IL9R: variants seen among roughly 807,000 people sequenced by gnomAD.
The protein encoded by IL9R is interleukin 9 receptor.
In IL9R, 54 loss-of-function variants were observed where a neutral mutation model predicts 56.3. That is an observed-to-expected ratio of 0.96 (90% CI 0.77 to 1.20). The LOEUF is 1.20. Among genes scored for constraint, IL9R ranks in the 50% most tolerant of loss-of-function variants. The probability of loss-of-function intolerance (pLI) is 0.00; values close to 1 mark genes in which losing one functional copy is unlikely to be tolerated. For synonymous variants in IL9R, 212 were observed against 250.2 expected (o/e 0.85, Z 1.44); for missense variants, 545 against 629.8 (o/e 0.87, Z 1.44).
chrX:156,008,949 G>GTGTGTGTGTGTTTA (rs1174821771), intron 8 of IL9R, among the ~76,000 whole-genome samples: 1 of 146,262 alleles, frequency 6.8e-6, no homozygotes, highest in African/African-American at 2.7e-5. Flanking sequence ...GTGTATGTCT[G>GTGTGTGTGTGTTTA]TGTGTGTGTG....
rs1432200111 is a variant in IL9R, at chrX:155,999,037, G to A, written c.28+1250G>A. Among the ~76,000 whole-genome samples, 5 of 152,094 alleles carry A rather than the reference G, an allele frequency of 3.3e-5. No individual in the cohort carries two copies. The South Asian group carries it at 6.2e-4, about 19-fold the overall frequency. Reference sequence around the variant, plus strand: ...CAACCCTTGGGCCCTGTCAGTTCAGGGCTGTGCAGAAGGAGAGTTGCCTGT... The same window carrying A: ...CAACCCTTGGGCCCTGTCAGTTCAGAGCTGTGCAGAAGGAGAGTTGCCTGT... On this transcript the variant is annotated intron_variant, in intron 1 of 8. Transcript: ENST00000244174.
At chrX:155,997,888 T>G in intron 1 of IL9R, 101 bp downstream of exon 1, 1 of 1,153,304 alleles carries the variant, frequency 8.7e-7, no homozygotes, top group Admixed American at 1.8e-5. Context: ...AGGGAGCCAC[T>G]GTGGCATTTG....
chrX:156,009,061 TTG>T (rs1382847096), intron 8 of IL9R, among the ~76,000 whole-genome samples: 4,306 of 116,394 alleles, frequency 0.037, 16 homozygotes, highest in South Asian at 0.075. Context: ...CTGTGTGTGT[TTG>T]TGTGTGTGTC....
At position 156,003,821 on chromosome X, in the gene IL9R, C is replaced by A. The variant is rs1472783768; in HGVS notation, c.399C>A (p.Ser133Arg). 1 of 1,613,822 alleles carries A rather than the reference C, an allele frequency of 6.2e-7. No homozygotes were observed. Among genetic ancestry groups the A allele is most frequent in the African/African-American group, 1.3e-5 (1 of 74,932 alleles). ...HHCMSGREQV[S>R]LVDPEYLPRR... ...GCATGTCTGGGAGGGAGCAGGTCAG[C>A]CTGGTGGACCCGGAGTACCTGCCCC... The change falls in exon 4 of 9, where the codon AGC (serine) becomes AGA (arginine). Residue 133 changes from serine to arginine, a missense_variant. Coordinates refer to ENST00000244174, the MANE Select transcript of IL9R (RefSeq NM_002186.3).
rs934696409 is a variant in IL9R, at chrX:156,009,670, G to A, written c.973-146G>A. ...GAAAGACAGAATGTCCAAGACACAG[G>A]CGCTGCTTGGCCTCTGGGTGTGGAC... is the stretch of plus-strand genomic sequence containing the variant. On this transcript the variant is annotated intron_variant, in intron 8 of 8. Transcript: ENST00000244174. The A allele has an allele frequency of 1.2e-5, 6 of 512,852 alleles. 1 individual carries two copies. The African/African-American group carries it at 1.3e-4, about 11-fold the overall frequency. 31.8% of individuals were successfully genotyped at this position (512,852 alleles called of 1,614,324 possible). A position where few individuals can be genotyped will look rare whatever the true frequency, so the allele number is the denominator to read the frequency against.
At chrX:156,005,948 C>T in intron 6 of IL9R, 135 bp from the exon 7 acceptor site, 2 of 645,752 alleles carry the variant, frequency 3.1e-6, no homozygotes, top group Non-Finnish European at 5.5e-6. Context: ...CAGCAGGTGA[C>T]ACAAACCTCC....
intron 1 of IL9R, among the ~76,000 whole-genome samples, chrX:155,998,888 C>T (rs758504286): frequency 7.9e-5 from 12 of 152,150 alleles, no homozygotes; most frequent in South Asian, 4.2e-4. Flanking sequence ...GCAGAGCAGG[C>T]GACGTGGGTA....
intron 7 of IL9R, among the ~76,000 whole-genome samples, chrX:156,006,995 A>G (rs1569476498): frequency 6.6e-6 from 1 of 151,472 alleles, no homozygotes; most frequent in Non-Finnish European, 1.5e-5. Context: ...AATAGAAGGG[A>G]CATGTGGGTG....
intron 1 of IL9R, 52 bp from the exon 2 acceptor site, chrX:156,002,854 C>T (rs2067626889): frequency 1.9e-6 from 3 of 1,611,514 alleles, no homozygotes; most frequent in Non-Finnish European, 2.5e-6. Context: ...ATGGGGAGCA[C>T]CCCTCCAGAG....
At chrX:156,007,650 C>T (rs1355844960) in intron 8 of IL9R, 43 bp downstream of exon 8, 4 of 916,842 alleles carry the variant, frequency 4.4e-6, no homozygotes, top group Non-Finnish European at 4.5e-6. Context: ...GCAGGGGTTG[C>T]CCAGAGCTCT....
intron 8 of IL9R, 124 bp from the exon 9 acceptor site, chrX:156,009,692 G>A (rs1411379446): frequency 1.9e-6 from 1 of 521,854 alleles, no homozygotes; most frequent in African/African-American, 2.7e-5. Flanking sequence ...CTCTGGGTGT[G>A]GACCTCAGGA....
intron 7 of IL9R, among the ~76,000 whole-genome samples, chrX:156,006,709 G>C (rs750536822): frequency 6.6e-6 from 1 of 152,072 alleles, no homozygotes; most frequent in African/African-American, 2.4e-5. Flanking sequence ...ATGTCAGGCC[G>C]CAGATGTGAG....
At chrX:156,004,289 A>T in intron 4 of IL9R, 131 bp from the exon 5 acceptor site, 1 of 852,346 alleles carries the variant, frequency 1.2e-6, no homozygotes, top group Non-Finnish European at 1.9e-6. Flanking sequence ...CCAGTCTCCC[A>T]GTGAGGTGCC....
At chrX:156,009,266 TTG>T (rs1569479099) in intron 8 of IL9R, among the ~76,000 whole-genome samples, 17 of 32,742 alleles carry the variant, frequency 5.2e-4, no homozygotes, top group East Asian at 5.0e-3. Context: ...GTGTGTGTGT[TTG>T]TGTGTGTATG....
At chrX:156,002,745 C>A in intron 1 of IL9R, 161 bp from the exon 2 acceptor site, 2 of 984,520 alleles carry the variant, frequency 2.0e-6, no homozygotes, top group Admixed American at 2.0e-5. Context: ...AAAGCCTGGA[C>A]AGTGGTCCAG....
chrX:156,001,876 T>C (rs1051222674), intron 1 of IL9R, among the ~76,000 whole-genome samples: 19 of 152,170 alleles, frequency 1.2e-4, no homozygotes, highest in African/African-American at 4.6e-4. Context: ...CGCTCCAGCA[T>C]CCGGGGGCTT....
chrX:156,000,159 T>C (rs1027969303), intron 1 of IL9R, among the ~76,000 whole-genome samples: 8 of 149,890 alleles, frequency 5.3e-5, no homozygotes, highest in East Asian at 3.9e-4. Context: ...TATATATATA[T>C]ACACACATAT....
At position 156,002,987 on chromosome X, in the gene IL9R, G is replaced by T. The variant is rs2067642504; in HGVS notation, c.110G>T (p.Cys37Phe). ...LACICICTCV[C>F]LGVSVTGEGQ... ...TGCATCTGCATCTGCACCTGTGTCT[G>T]CTTGGGAGTCTCTGTCACAGGGGAA... Residue 37 changes from cysteine (C) to phenylalanine (F), a missense_variant, in exon 2 of 9, where the codon TGC becomes TTC. Physicochemically the swap from Cys to Phe is radical, Grantham distance 205 (BLOSUM62 -2). This residue lies in a region of IL9R where 431 missense variants were observed against 360.0 expected (regional missense o/e 1.20). Coordinates refer to ENST00000244174, the MANE Select transcript of IL9R (RefSeq NM_002186.3). The T allele has an allele frequency of 1.9e-6, 3 of 1,613,908 alleles. No individual in the cohort carries two copies. Among genetic ancestry groups the T allele is most frequent in the Non-Finnish European group, 8.5e-7 (1 of 1,179,860 alleles).
At chrX:156,008,957 GTGTT>G (rs1361537564) in intron 8 of IL9R, among the ~76,000 whole-genome samples, 182 of 150,946 alleles carry the variant, frequency 1.2e-3, no homozygotes, top group African/African-American at 3.9e-3. Context: ...CTGTGTGTGT[GTGTT>G]TATGTGTGTG....
Sources: gnomAD v4.1 joint callset for allele counts (sites outside exome capture counted in the v4.1 genomes callset) on GRCh38, gnomAD v4.1.1 for gene constraint, gnomAD v4.1.1 regional missense constraint, MANE v1.5 for transcripts, NCBI Gene and HGNC (gene_info 2026-07-23, HGNC 2026-07-21) for gene names.